The following EXT1 variants were observed in gnomAD, a reference collection of about 807,000 sequenced individuals.
EXT1 encodes exostosin-1.
In EXT1, 20 loss-of-function variants were observed where a neutral mutation model predicts 82.5. That is an observed-to-expected ratio of 0.24 (90% CI 0.17 to 0.35). The LOEUF (loss-of-function observed/expected upper bound fraction) is 0.35. Ranked by LOEUF, EXT1 falls within the 10% of genes least tolerant of loss-of-function variation. The pLI is 1.00. For missense variants in EXT1, 757 were observed against 936.5 expected (o/e 0.81, Z 2.50); for synonymous variants, 348 against 350.8 (o/e 0.99, Z 0.09).
chr8:117,897,662 T>G (rs2129959373), intron 1 of EXT1, among the ~76,000 whole-genome samples: 1 of 139,232 alleles, frequency 7.2e-6, no homozygotes, highest in South Asian at 2.5e-4. Flanking sequence ...CGGCCCGATC[T>G]CGGTTCACTT....
chr8:117,831,424 A>T (rs1368891788), intron 3 of EXT1, among the ~76,000 whole-genome samples: 1 of 152,190 alleles, frequency 6.6e-6, no homozygotes, highest in Non-Finnish European at 1.5e-5. Flanking sequence ...CAATTGCTTA[A>T]TGTTTGCAAG....
At chr8:118,012,471 G>A (rs567685282) in intron 1 of EXT1, among the ~76,000 whole-genome samples, 1 of 152,340 alleles carries the variant, frequency 6.6e-6, no homozygotes, top group African/African-American at 2.4e-5. Flanking sequence ...CCAAGCCAAA[G>A]AGCAGATTTC....
intron 1 of EXT1, among the ~76,000 whole-genome samples, chr8:117,837,857 GA>G (rs58707417): frequency 0.096 from 13,428 of 139,636 alleles, 771 homozygotes; most frequent in African/African-American, 0.18. Context: ...GAAAAGAAAA[GA>G]AAAAAAAAAA....
At chr8:118,069,264 C>T (rs551805589) in intron 1 of EXT1, among the ~76,000 whole-genome samples, 1 of 152,280 alleles carries the variant, frequency 6.6e-6, no homozygotes, top group East Asian at 1.9e-4. Flanking sequence ...TAAAGAGAGG[C>T]AACAATCTGT....
intron 1 of EXT1, among the ~76,000 whole-genome samples, chr8:117,886,291 T>C (rs1434509025): frequency 6.6e-6 from 1 of 152,226 alleles, no homozygotes; most frequent in Admixed American, 6.5e-5. Flanking sequence ...GGAAACCACC[T>C]TATACTGCAC....
chr8:117,832,568 A>C (rs1418757196), intron 3 of EXT1, among the ~76,000 whole-genome samples: 1 of 152,110 alleles, frequency 6.6e-6, no homozygotes, highest in Non-Finnish European at 1.5e-5. Flanking sequence ...TAAAGCTGTC[A>C]TTGCTATATA....
chr8:117,869,336 G>A (rs1812830547), intron 1 of EXT1, among the ~76,000 whole-genome samples: 1 of 152,212 alleles, frequency 6.6e-6, no homozygotes, highest in African/African-American at 2.4e-5. Context: ...TGGCGCAGAG[G>A]ATTGGAAGGA....
intron 1 of EXT1, among the ~76,000 whole-genome samples, chr8:117,842,886 C>A (rs1385628848): frequency 2.6e-5 from 4 of 152,200 alleles, no homozygotes; most frequent in Admixed American, 6.5e-5. Context: ...AGTGAACCTG[C>A]TTTTTGCTAA....
intron 1 of EXT1, among the ~76,000 whole-genome samples, chr8:118,073,650 AAG>A (rs765481368): frequency 7.9e-6 from 1 of 126,500 alleles, no homozygotes; most frequent in Admixed American, 8.9e-5. Flanking sequence ...AAGAGAAGAG[AAG>A]AGAAGAGAAG....
At chr8:118,011,991 G>A (rs763121586) in intron 1 of EXT1, among the ~76,000 whole-genome samples, 6 of 152,230 alleles carry the variant, frequency 3.9e-5, no homozygotes, top group Admixed American at 2.6e-4. Context: ...GCTCCCAGCA[G>A]CAGCAGCAGG....
intron 1 of EXT1, among the ~76,000 whole-genome samples, chr8:117,896,602 T>C (rs1813343234): frequency 6.6e-6 from 1 of 152,152 alleles, no homozygotes; most frequent in African/African-American, 2.4e-5. Flanking sequence ...AAAATGGGTT[T>C]CCATAAGGGT....
At chr8:117,922,606 A>C (rs1813876830) in intron 1 of EXT1, among the ~76,000 whole-genome samples, 1 of 152,162 alleles carries the variant, frequency 6.6e-6, no homozygotes, top group Non-Finnish European at 1.5e-5. Context: ...GTCTCTCATT[A>C]TAGAAGGAGA....
chr8:118,020,499 A>T (rs1816083345), intron 1 of EXT1, among the ~76,000 whole-genome samples: 1 of 152,246 alleles, frequency 6.6e-6, no homozygotes, highest in African/African-American at 2.4e-5. Context: ...TTAGTGCATT[A>T]TCTGATCAAA....
At chr8:118,096,550 G>A (rs7011384) in intron 1 of EXT1, among the ~76,000 whole-genome samples, 79,846 of 150,738 alleles carry the variant, frequency 0.53, 23,071 homozygotes, top group Middle Eastern at 0.67. Flanking sequence ...ACAGTGAGCC[G>A]AGATCACGCC....
In EXT1 at chr8:118,111,264, T is replaced by C. The variant is rs1586280549; in HGVS notation, c.-218A>G. ...CCCCTTCGGTCTTTCATCTTTGGGT[T>C]GCACAATGCACGGGAGAGAGCGGGG... On this transcript the variant is annotated 5_prime_UTR_variant, in exon 1 of 11. Transcript: ENST00000378204. 7.2e-6 allele frequency: 5 copies of C among 695,538 alleles called. No homozygotes were observed. In the East Asian group the frequency reaches 1.3e-4, roughly 19 times the overall value. The allele number at this position is 695,538 out of a possible 1,614,324, so 43.1% of individuals were successfully genotyped here.
chr8:117,832,338 A>G (rs1438158677), intron 3 of EXT1, among the ~76,000 whole-genome samples: 1 of 152,138 alleles, frequency 6.6e-6, no homozygotes, highest in Non-Finnish European at 1.5e-5. Flanking sequence ...GGCCTGGCCA[A>G]TATGGTGAAA....
intron 1 of EXT1, among the ~76,000 whole-genome samples, chr8:117,870,823 TCACACA>T (rs59973422): frequency 1.4e-5 from 2 of 146,772 alleles, no homozygotes; most frequent in East Asian, 2.0e-4. Flanking sequence ...AAATGCTTTG[TCACACA>T]CACACACACA....
intron 1 of EXT1, among the ~76,000 whole-genome samples, chr8:117,887,593 G>T (rs1376480360): frequency 6.6e-6 from 1 of 151,942 alleles, no homozygotes; most frequent in Non-Finnish European, 1.5e-5. Context: ...CTCGTGATCT[G>T]CCCAGCTTGG....
rs1814183389 is a variant in EXT1, at chr8:117,937,276, C to T, written c.963-100075G>A. Among the ~76,000 whole-genome samples the T allele has an allele frequency of 2.6e-5, 4 of 152,326 alleles. No individual in the cohort carries two copies. The South Asian group carries it at 8.3e-4, about 32-fold the overall frequency. Reference sequence around the variant, plus strand: ...TTGGGCTGAAATCATTGCACTTGTACACAACCAGTGTAGGTAATGGAAGTT... The same window carrying T: ...TTGGGCTGAAATCATTGCACTTGTATACAACCAGTGTAGGTAATGGAAGTT... On this transcript the variant is annotated intron_variant, in intron 1 of 10. Transcript: ENST00000378204.
Sources: gnomAD v4.1 joint callset for allele counts (sites outside exome capture counted in the v4.1 genomes callset) on GRCh38, gnomAD v4.1.1 for gene constraint, MANE v1.5 for transcripts, NCBI Gene and HGNC (gene_info 2026-07-23, HGNC 2026-07-21) for gene names.